RFC1: variants seen among roughly 807,000 people sequenced by gnomAD.
RFC1 encodes the protein A1 140 kDa subunit.
In RFC1, 37 loss-of-function variants were observed where a neutral mutation model predicts 137.4. The observed-to-expected ratio is 0.27, with a 90% CI of 0.21 to 0.35. The LOEUF is 0.35. Among genes scored for constraint, RFC1 ranks in the 10% least tolerant of loss-of-function variants. The pLI, the probability that RFC1 is intolerant of heterozygous loss-of-function variation, is 1.00. For missense variants in RFC1, 1,205 were observed against 1,358.5 expected (o/e 0.89, Z 1.78); for synonymous variants, 429 against 455.7 (o/e 0.94, Z 0.75).
chr4:39,328,594 G>C (rs1739905033), intron 4 of RFC1, among the ~76,000 whole-genome samples: 1 of 152,198 alleles, frequency 6.6e-6, no homozygotes, highest in South Asian at 2.1e-4. Flanking sequence ...AGCCGAGACG[G>C]AAGTGTGCCT....
intron 22 of RFC1, among the ~76,000 whole-genome samples, chr4:39,295,199 A>C (rs1385001349): frequency 6.6e-6 from 1 of 152,180 alleles, no homozygotes; most frequent in African/African-American, 2.4e-5. Context: ...ATCCCAAATG[A>C]CTAGGTCAGT....
At chr4:39,309,711 G>A (rs1285642787) in intron 12 of RFC1, among the ~76,000 whole-genome samples, 3 of 152,214 alleles carry the variant, frequency 2.0e-5, no homozygotes, top group African/African-American at 7.2e-5. Context: ...TTTCTTTTCA[G>A]GGTGAGGAAA....
At chr4:39,358,587 G>A (rs576078357) in intron 1 of RFC1, among the ~76,000 whole-genome samples, 2 of 152,276 alleles carry the variant, frequency 1.3e-5, no homozygotes, top group South Asian at 4.2e-4. Flanking sequence ...GCTAGTGAAG[G>A]AAGTTGTCAA....
intron 1 of RFC1, among the ~76,000 whole-genome samples, chr4:39,357,164 A>G: frequency 6.6e-6 from 1 of 152,338 alleles, no homozygotes; most frequent in Non-Finnish European, 1.5e-5. Context: ...AAAGAACAGA[A>G]GAAATAAAGC....
chr4:39,293,534 T>TTAAAAGA (rs1737805194), intron 22 of RFC1, among the ~76,000 whole-genome samples: 1 of 152,142 alleles, frequency 6.6e-6, no homozygotes, highest in Non-Finnish European at 1.5e-5. Flanking sequence ...GAAACGGACC[T>TTAAAAGA]ACAAAAAGTT....
chr4:39,349,125 A>T (rs1003891925), intron 2 of RFC1, among the ~76,000 whole-genome samples: 6 of 152,186 alleles, frequency 3.9e-5, no homozygotes, highest in African/African-American at 1.4e-4. Context: ...TCTGATTTGG[A>T]TGATATTGAC....
chr4:39,351,234 G>A (rs1446704593), intron 2 of RFC1, 114 bp downstream of exon 2: 8 of 633,914 alleles, frequency 1.3e-5, no homozygotes, highest in Admixed American at 7.9e-5. Flanking sequence ...CTGGGCGACA[G>A]AGCAAGACTC....
At position 39,320,734 on chromosome 4, in the gene RFC1, T is replaced by C. The variant is rs1053064504; in HGVS notation, c.809-65A>G. 3.3e-4 allele frequency: 477 copies of C among 1,446,368 alleles called. 3 individuals carry two copies. The highest frequency in any genetic ancestry group is 9.8e-5 in the Non-Finnish European group (107 of 1,090,112). 89.6% of individuals were successfully genotyped at this position (1,446,368 alleles called of 1,614,324 possible). On this transcript the variant is annotated intron_variant, in intron 8 of 24. Transcript: ENST00000349703. ...AATGATAATCTATATCAACTTTTCTTTCATTTTTCAACTGAGTAATCTTAG... is the reference window on the plus strand; with the variant it reads ...AATGATAATCTATATCAACTTTTCTCTCATTTTTCAACTGAGTAATCTTAG...
At chr4:39,311,677 G>A in intron 11 of RFC1, 128 bp from the exon 12 acceptor site, 44 of 566,162 alleles carry the variant, frequency 7.8e-5, no homozygotes, top group South Asian at 1.9e-4. Context: ...AGATAACACT[G>A]GAATTAAAAA....
At chr4:39,301,119 A>G (rs759499245) in intron 19 of RFC1, among the ~76,000 whole-genome samples, 2 of 152,100 alleles carry the variant, frequency 1.3e-5, no homozygotes, top group Non-Finnish European at 2.9e-5. Flanking sequence ...AACAAAAACA[A>G]AAACAAAAAA....
intron 1 of RFC1, among the ~76,000 whole-genome samples, chr4:39,353,027 GAC>G (rs59032726): frequency 0.14 from 21,463 of 150,888 alleles, 1,808 homozygotes; most frequent in East Asian, 0.23. Flanking sequence ...AAATAAGTGT[GAC>G]ACACACACAC....
rs1348187591 is a variant in RFC1, at chr4:39,361,707, T to C, written c.3+4532A>G. On this transcript the variant is annotated intron_variant, in intron 1 of 24. Transcript: ENST00000349703. ...TACAAGATCAATATACAAAAATCAA[T>C]TGTATTTCTGTATACTTTTGCAATA... 3.3e-5 allele frequency among the ~76,000 whole-genome samples: 5 copies of C among 152,302 alleles called. No homozygotes were observed. The South Asian group carries it at 6.2e-4, about 19-fold the overall frequency.
intron 14 of RFC1, among the ~76,000 whole-genome samples, chr4:39,305,787 A>G (rs1463286274): frequency 1.3e-5 from 2 of 152,214 alleles, no homozygotes; most frequent in African/African-American, 2.4e-5. Context: ...TTCATAAAAA[A>G]TATAATGATA....
At chr4:39,333,503 A>T (rs1049907893) in intron 4 of RFC1, among the ~76,000 whole-genome samples, 5 of 152,088 alleles carry the variant, frequency 3.3e-5, no homozygotes, top group Non-Finnish European at 5.9e-5. Flanking sequence ...TTTTATATAA[A>T]TTATGGTCTA....
chr4:39,348,966 C>A (rs1041282202), intron 2 of RFC1, among the ~76,000 whole-genome samples: 4 of 152,218 alleles, frequency 2.6e-5, no homozygotes, highest in African/African-American at 9.7e-5. Flanking sequence ...TCCCTCCCTT[C>A]TGATTTCTCC....
intron 22 of RFC1, among the ~76,000 whole-genome samples, chr4:39,295,062 G>GT (rs373119430): frequency 6.6e-6 from 1 of 152,268 alleles, no homozygotes; most frequent in South Asian, 2.1e-4. Context: ...CATTTTCCAA[G>GT]TTTCTAAAGT....
At chr4:39,320,814 T>G (rs892289544) in intron 8 of RFC1, 145 bp from the exon 9 acceptor site, 2 of 652,982 alleles carry the variant, frequency 3.1e-6, no homozygotes, top group Admixed American at 7.5e-5. Flanking sequence ...CATCTGTTTA[T>G]AGTAAATCTA....
At chr4:39,313,697 G>GA (rs980600231) in intron 10 of RFC1, among the ~76,000 whole-genome samples, 1 of 147,628 alleles carries the variant, frequency 6.8e-6, no homozygotes, top group South Asian at 2.2e-4. Context: ...GGAAAAAAGG[G>GA]AAAAAAGGCA....
At chr4:39,292,412 G>A (rs1283458543) in intron 22 of RFC1, among the ~76,000 whole-genome samples, 1 of 152,044 alleles carries the variant, frequency 6.6e-6, no homozygotes, top group African/African-American at 2.4e-5. Flanking sequence ...GATCCACAGT[G>A]GCCAGAGGAA....
Sources: gnomAD v4.1 joint callset for allele counts (sites outside exome capture counted in the v4.1 genomes callset) on GRCh38, gnomAD v4.1.1 for gene constraint, MANE v1.5 for transcripts, NCBI Gene and HGNC (gene_info 2026-07-23, HGNC 2026-07-21) for gene names.